SHTN1: variants seen among roughly 807,000 people sequenced by gnomAD.
SHTN1 encodes shootin-1.
A neutral mutation model predicts 83.1 loss-of-function variants in SHTN1; 42 were observed. The ratio of observed to expected loss-of-function variants is 0.51; its 90% CI spans 0.39 to 0.65. SHTN1 has a LOEUF of 0.65. Ranked by LOEUF, SHTN1 falls within the 30% of genes least tolerant of loss-of-function variation. SHTN1 has a pLI of 0.00. For missense variants in SHTN1, 622 were observed against 737.8 expected, an observed-to-expected ratio of 0.84 and a Z score of 1.82; for synonymous variants, 224 against 247.7, an observed-to-expected ratio of 0.90 and a Z score of 0.90.
At chr10:117,078,063 G>A (rs1448942521) in intron 1 of SHTN1, among the ~76,000 whole-genome samples, 1 of 152,134 alleles carries the variant, frequency 6.6e-6, no homozygotes, top group African/African-American at 2.4e-5. Context: ...AATTCTAACT[G>A]AAAAATTAAA....
intron 1 of SHTN1, among the ~76,000 whole-genome samples, chr10:117,068,429 G>A (rs776565218): frequency 1.2e-4 from 19 of 152,120 alleles, no homozygotes; most frequent in South Asian, 1.0e-3. Flanking sequence ...ATAGTAGTGG[G>A]CACCAATCTC....
intron 2 of SHTN1, among the ~76,000 whole-genome samples, chr10:117,038,783 C>T (rs1216081775): frequency 6.6e-6 from 1 of 152,174 alleles, no homozygotes; most frequent in African/African-American, 2.4e-5. Context: ...TAAAAAACGA[C>T]AACGTGATAT....
intron 1 of SHTN1, among the ~76,000 whole-genome samples, chr10:117,126,069 G>A: frequency 6.6e-6 from 1 of 152,208 alleles, no homozygotes; most frequent in East Asian, 1.9e-4. Flanking sequence ...GGTCAAGGGC[G>A]TGGGTCTGGA....
intron 1 of SHTN1, among the ~76,000 whole-genome samples, chr10:117,002,370 A>G (rs1405507192): frequency 6.6e-6 from 1 of 152,174 alleles, no homozygotes; most frequent in South Asian, 2.1e-4. Flanking sequence ...GTGGTACTTG[A>G]TAAGTATTTG....
chr10:116,957,388 C>T (rs555221750), intron 4 of SHTN1, among the ~76,000 whole-genome samples: 7 of 150,938 alleles, frequency 4.6e-5, no homozygotes, highest in Admixed American at 2.0e-4. Context: ...CGAGTAACTG[C>T]GATTACAGGC....
chr10:116,921,389 A>T (rs1285177318), intron 12 of SHTN1, 45 bp downstream of exon 12: 5 of 1,415,768 alleles, frequency 3.5e-6, no homozygotes, highest in Non-Finnish European at 5.0e-6. Flanking sequence ...ATTGCCCCAA[A>T]ATGGTACACC....
chr10:117,061,205 G>A (rs1852895768), intron 1 of SHTN1, among the ~76,000 whole-genome samples: 1 of 148,354 alleles, frequency 6.7e-6, no homozygotes, highest in African/African-American at 2.5e-5. Context: ...GGAGTGCAGT[G>A]GCACGATCCT....
rs577208072 is a variant in SHTN1, at chr10:116,959,226, A to G, written c.267+910T>C. Among the ~76,000 whole-genome samples the G allele has an allele frequency of 3.3e-5, 5 of 152,352 alleles. No homozygotes were observed. The South Asian group carries it at 6.2e-4, about 19-fold the overall frequency. ...GTATTGCTGTGTATTCTTCAGATGA[A>G]TAACAGGAGAGAAGTTACATACCCA... On this transcript the variant is annotated intron_variant, in intron 4 of 16. Coordinates refer to ENST00000355371, the MANE Select transcript of SHTN1 (RefSeq NM_001127211.3).
At chr10:116,945,150 T>G in intron 7 of SHTN1, 132 bp from the exon 8 acceptor site, 1 of 630,848 alleles carries the variant, frequency 1.6e-6, no homozygotes, top group South Asian at 2.0e-5. Context: ...CTGGTTGGCA[T>G]ACAAACTGAT....
chr10:117,046,978 T>C (rs988185300), intron 2 of SHTN1, among the ~76,000 whole-genome samples: 1 of 151,954 alleles, frequency 6.6e-6, no homozygotes, highest in South Asian at 2.1e-4. Context: ...TTGCATACTT[T>C]AAAAGAGTGA....
intron 1 of SHTN1, among the ~76,000 whole-genome samples, chr10:116,985,284 G>A (rs946759167): frequency 2.6e-5 from 4 of 152,064 alleles, no homozygotes; most frequent in Non-Finnish European, 5.9e-5. Flanking sequence ...AAATATTAAC[G>A]TCCCCATTTT....
chr10:117,008,849 C>T (rs946073400), upstream of SHTN1, among the ~76,000 whole-genome samples: 1 of 152,236 alleles, frequency 6.6e-6, no homozygotes, highest in Non-Finnish European at 1.5e-5. Flanking sequence ...CGCTGTGGCT[C>T]ACGCCTGTAA....
chr10:116,976,355 C>T (rs1326406345), intron 2 of SHTN1, among the ~76,000 whole-genome samples: 2 of 152,164 alleles, frequency 1.3e-5, no homozygotes, highest in African/African-American at 2.4e-5. Flanking sequence ...CATCCACCGC[C>T]GCCTCCCATT....
intron 9 of SHTN1, among the ~76,000 whole-genome samples, chr10:116,931,037 A>G (rs1011643091): frequency 1.3e-5 from 2 of 151,344 alleles, no homozygotes; most frequent in Non-Finnish European, 2.9e-5. Flanking sequence ...ATTTTTAAAC[A>G]TGGGTCACTT....
At chr10:117,115,696 CACA>C (rs1256325141) in intron 1 of SHTN1, among the ~76,000 whole-genome samples, 4 of 152,164 alleles carry the variant, frequency 2.6e-5, no homozygotes, top group Admixed American at 1.3e-4. Flanking sequence ...CTCCACAGCT[CACA>C]ACTTTTAATG....
Position 116,884,806 on chromosome 10 carries a change from C to G in SHTN1, c.*1538G>C, listed in dbSNP as rs952292042. 1 of 155,852 alleles carries G rather than the reference C, an allele frequency of 6.4e-6. No homozygotes were observed. The highest frequency in any genetic ancestry group is 1.4e-5 in the Non-Finnish European group (1 of 70,104). 9.7% of individuals were successfully genotyped at this position (155,852 alleles called of 1,614,324 possible). On this transcript the variant is annotated 3_prime_UTR_variant, in exon 17 of 17. Transcript: ENST00000355371. ...ACCACAACTGACCCTTAATGGGAAACTATTGGTGCCTTTTTAATAAGTTGT... is the reference window on the plus strand; with the variant it reads ...ACCACAACTGACCCTTAATGGGAAAGTATTGGTGCCTTTTTAATAAGTTGT...
chr10:116,881,717 CGGGA>C lies in SHTN1; in HGVS notation c.*4623_*4626del. 1 of 1,355,306 alleles carries C rather than the reference CGGGA, an allele frequency of 7.4e-7. No individual in the cohort carries two copies. The highest frequency in any genetic ancestry group is 9.6e-7 in the Non-Finnish European group (1 of 1,043,534). 84.0% of individuals were successfully genotyped at this position (1,355,306 alleles called of 1,614,324 possible). On this transcript the variant is annotated 3_prime_UTR_variant, in exon 17 of 17. Transcript: ENST00000355371. The stretch of plus-strand genomic sequence containing the variant: ...AGCCACACCATCAGTATTAGTAGAC[CGGGA>C]GGTCTGAAGTACGGCGCCGTGTCTC...
intron 2 of SHTN1, among the ~76,000 whole-genome samples, chr10:117,024,100 C>T (rs1852296807): frequency 1.2e-4 from 1 of 8,192 alleles, no homozygotes; most frequent in South Asian, 0.031. Flanking sequence ...TGGTCAGGCA[C>T]TCTGAATTTT....
chr10:117,013,932 T>A (rs186397520), intron 2 of SHTN1, among the ~76,000 whole-genome samples: 146 of 149,322 alleles, frequency 9.8e-4, no homozygotes, highest in Middle Eastern at 3.4e-3. Context: ...ATATATATAT[T>A]TTTTTTCCAT....
Sources: gnomAD v4.1 joint callset for allele counts (sites outside exome capture counted in the v4.1 genomes callset) on GRCh38, gnomAD v4.1.1 for gene constraint, MANE v1.5 for transcripts, NCBI Gene and HGNC (gene_info 2026-07-23, HGNC 2026-07-21) for gene names.